Variants in PDE3B observed in about 807,000 individuals in gnomAD.
PDE3B encodes the protein phosphodiesterase 3B.
PDE3B carries 66 observed loss-of-function variants against 116.8 expected under a neutral mutation model. That is an observed-to-expected ratio of 0.56 (90% CI 0.46 to 0.69). The LOEUF (loss-of-function observed/expected upper bound fraction) is 0.69. Ranked by LOEUF, PDE3B falls within the 30% of genes least tolerant of loss-of-function variation. The pLI is 0.00. For missense variants in PDE3B, 1,384 were observed against 1,368.1 expected (o/e 1.01, Z -0.18); for synonymous variants, 595 against 533.6 (o/e 1.12, Z -1.59).
the PDE3B span, among the ~76,000 whole-genome samples, chr11:14,889,118 G>A: frequency 2.0e-5 from 3 of 151,764 alleles, no homozygotes; most frequent in South Asian, 2.1e-4. Flanking sequence ...ACACAAAGGC[G>A]GGTGTCACTT....
At chr11:14,892,191 C>T in the PDE3B span, 1 of 1,610,254 alleles carries the variant, frequency 6.2e-7, no homozygotes, top group Non-Finnish European at 8.5e-7. Flanking sequence ...CTTCAGCTCT[C>T]CAAAGCTTCC....
chr11:14,705,096 T>C (rs1372273326), intron 1 of PDE3B, among the ~76,000 whole-genome samples: 2 of 151,794 alleles, frequency 1.3e-5, no homozygotes, highest in Admixed American at 1.3e-4. Flanking sequence ...ACATGTACCA[T>C]TTTCATTCCT....
the PDE3B span, chr11:14,886,609 G>C: frequency 6.6e-6 from 1 of 152,386 alleles, no homozygotes; most frequent in East Asian, 1.9e-4. Context: ...CCTCACCCCA[G>C]GTTCACTTAC....
intron 2 of PDE3B, chr11:14,773,101 C>A (rs2133899665): frequency 6.6e-6 from 1 of 152,090 alleles, no homozygotes; most frequent in South Asian, 2.1e-4. Context: ...TGTAGATACC[C>A]TTTAGCAGAT....
At chr11:14,665,818 G>A (rs1415372525) in intron 1 of PDE3B, among the ~76,000 whole-genome samples, 2 of 152,156 alleles carry the variant, frequency 1.3e-5, no homozygotes, top group Admixed American at 6.5e-5. Context: ...CCATGCTCAT[G>A]GGTAGGAAGA....
Position 14,835,086 on chromosome 11 carries a change from A to G in PDE3B, c.2311A>G (p.Asn771Asp). 1.9e-6 allele frequency: 3 copies of G among 1,594,354 alleles called. No homozygotes were observed. The highest frequency in any genetic ancestry group is 2.6e-6 in the Non-Finnish European group (3 of 1,164,966). The change falls in exon 11 of 16, where the codon AAT becomes GAT. Residue 771 changes from asparagine (N) to aspartate (D), a missense_variant. Asn to Asp is a conservative substitution (Grantham distance 23). Around this residue, in one of 2 missense-constraint regions of PDE3B, gnomAD observed 428 missense variants for 561.4 expected, o/e 0.76. Transcript: ENST00000282096. The stretch of plus-strand genomic sequence containing the variant: ...GATCCACAATGGTTGTGGAACAGGA[A>G]ATGAAACAGGTACTTCCTTCTACAA... Reference protein sequence around the residue: ...QQIHNGCGTGNETDSDGRINH... With the variant: ...QQIHNGCGTGDETDSDGRINH...
rs142751629 is a variant in PDE3B at position 14,859,231 on chromosome 11, A to G, written c.2709A>G (p.Ala903=). 406 of 1,610,914 alleles carry G rather than the reference A, an allele frequency of 2.5e-4. 1 individual carries two copies. In the African/African-American group the frequency reaches 5.0e-3, roughly 20 times the overall value. Residue 903 remains alanine (A), a synonymous_variant, in exon 13 of 16, where the codon GCA becomes GCG. Coordinates refer to ENST00000282096, the MANE Select transcript of PDE3B (RefSeq NM_000922.4). ...TTAAAAAGCATTTTGATTTTCTCGCAGAATTCAATGCCAAGGTTTGTTATG... is the reference window on the plus strand; with the variant it reads ...TTAAAAAGCATTTTGATTTTCTCGCGGAATTCAATGCCAAGGTTTGTTATG... ...TDLKKHFDFL[A]EFNAKANDVN... is the part of the protein sequence containing the mutation.
chr11:14,731,255 A>ATTTTTTTTT (rs778089171), intron 1 of PDE3B, among the ~76,000 whole-genome samples: 1 of 121,140 alleles, frequency 8.3e-6, no homozygotes, highest in Non-Finnish European at 1.8e-5. Flanking sequence ...TTTTACTTTG[A>ATTTTTTTTT]TTTTTTTTTT....
chr11:14,840,943 C>T (rs894685640), intron 11 of PDE3B, among the ~76,000 whole-genome samples: 7 of 152,038 alleles, frequency 4.6e-5, no homozygotes, highest in East Asian at 1.9e-4. Context: ...TATTTGTTTG[C>T]GATGTGAATG....
At chr11:14,683,020 C>G (rs1478094813) in intron 1 of PDE3B, among the ~76,000 whole-genome samples, 1 of 151,872 alleles carries the variant, frequency 6.6e-6, no homozygotes, top group African/African-American at 2.4e-5. Context: ...TCACCACAAC[C>G]TCCGCCTCCC....
At chr11:14,653,362 C>T (rs1317024562) in intron 1 of PDE3B, among the ~76,000 whole-genome samples, 1 of 152,144 alleles carries the variant, frequency 6.6e-6, no homozygotes, top group East Asian at 1.9e-4. Context: ...GGAAATTCAG[C>T]AGTGCCTAGT....
intron 1 of PDE3B, among the ~76,000 whole-genome samples, chr11:14,681,384 C>A (rs1565089463): frequency 6.6e-6 from 1 of 152,070 alleles, no homozygotes; most frequent in East Asian, 1.9e-4. Flanking sequence ...GGGGGAGGGT[C>A]TTTCCTGTGC....
intron 1 of PDE3B, among the ~76,000 whole-genome samples, chr11:14,745,114 T>G (rs1856876822): frequency 1.3e-5 from 2 of 152,196 alleles, no homozygotes; most frequent in South Asian, 4.1e-4. Flanking sequence ...CGTGAGCCAC[T>G]GCACCAGCCG....
At chr11:14,671,474 A>G (rs1437768874) in intron 1 of PDE3B, among the ~76,000 whole-genome samples, 4 of 152,046 alleles carry the variant, frequency 2.6e-5, no homozygotes, top group African/African-American at 7.2e-5. Flanking sequence ...AGTGTGGATC[A>G]CATAAGGCCT....
chr11:14,782,834 TG>T (rs373226493), intron 2 of PDE3B, among the ~76,000 whole-genome samples: 2 of 152,156 alleles, frequency 1.3e-5, no homozygotes, highest in African/African-American at 2.4e-5. Flanking sequence ...ACCTACAGAA[TG>T]GGAGAAAATT....
intron 15 of PDE3B, 22 bp downstream of exon 15, chr11:14,867,780 AATTT>A: frequency 6.3e-7 from 1 of 1,576,996 alleles, no homozygotes; most frequent in South Asian, 1.1e-5. Context: ...GGGACATTAT[AATTT>A]ATTTAATGTT....
intron 1 of PDE3B, among the ~76,000 whole-genome samples, chr11:14,666,745 C>T (rs1364626509): frequency 2.0e-5 from 3 of 151,978 alleles, no homozygotes; most frequent in African/African-American, 4.8e-5. Context: ...TACCATCTCA[C>T]ACCAGTTAGA....
the PDE3B span, among the ~76,000 whole-genome samples, chr11:14,897,510 C>T: frequency 3.9e-5 from 6 of 152,268 alleles, no homozygotes; most frequent in African/African-American, 1.2e-4. Context: ...GGTTGTCCAC[C>T]TCTCAGAGTG....
At chr11:14,682,429 T>G (rs938400684) in intron 1 of PDE3B, among the ~76,000 whole-genome samples, 1 of 152,206 alleles carries the variant, frequency 6.6e-6, no homozygotes, top group African/African-American at 2.4e-5. Flanking sequence ...TTGGTTCCAA[T>G]CTAGGAAACC....
Sources: allele counts gnomAD v4.1 joint callset (sites outside exome capture counted in the v4.1 genomes callset), GRCh38; gene constraint gnomAD v4.1.1; regional missense constraint gnomAD v4.1.1; transcripts MANE v1.5; gene names NCBI Gene and HGNC (gene_info 2026-07-23, HGNC 2026-07-21).